Variants in MYT1 observed in about 807,000 individuals in gnomAD.
The protein encoded by MYT1 is myelin transcription factor I.
In MYT1, 23 loss-of-function variants were observed where a neutral mutation model predicts 123.0. That is an observed-to-expected ratio of 0.19 (90% confidence interval 0.13 to 0.26). The LOEUF (loss-of-function observed/expected upper bound fraction) is 0.26. Among genes scored for constraint, MYT1 ranks in the 10% least tolerant of loss-of-function variants. The pLI is 1.00. For synonymous variants in MYT1, 518 were observed against 575.3 expected (o/e 0.90, Z 1.43); for missense variants, 1,125 against 1,472.5 (o/e 0.76, Z 3.86).
chr20:64,172,414 C>G (rs1320786896), intron 1 of MYT1, among the ~76,000 whole-genome samples: 2 of 152,224 alleles, frequency 1.3e-5, no homozygotes, highest in South Asian at 2.1e-4. Context: ...CGAGCTCTCT[C>G]CCTTCTGAAC....
At chr20:64,228,571 G>A (rs1238562999) in intron 18 of MYT1, among the ~76,000 whole-genome samples, 4 of 152,208 alleles carry the variant, frequency 2.6e-5, no homozygotes, top group Non-Finnish European at 4.4e-5. Context: ...ACTGGGGCAG[G>A]GTGGGGGCTC....
rs1346806748 is a variant in MYT1, at chr20:64,190,950, C to G, written c.-1+790C>G. 6.6e-6 allele frequency among the ~76,000 whole-genome samples: 1 copy of G among 152,212 alleles called. No individual in the cohort carries two copies. The highest frequency in any genetic ancestry group is 1.9e-4 in the East Asian group (1 of 5,204). On this transcript the variant is annotated intron_variant, in intron 2 of 22. Transcript: ENST00000328439. The surrounding 1 kb of genome is among the most constrained non-coding windows in gnomAD (Gnocchi z 4.1). ...TGCCACTGCACTCCAGCCTGGGTGA[C>G]AGAGCAAGACTCCATCTCAGAAAAC...
rs558455292 is a variant in MYT1, at chr20:64,195,597, T to C, written c.1-3265T>C. ...TTTCAGTAGAGATGGGGTTTCACCCTGTTGGCCAGGCTTGTCATGAACTCC... is the reference window on the plus strand; with the variant it reads ...TTTCAGTAGAGATGGGGTTTCACCCCGTTGGCCAGGCTTGTCATGAACTCC... On this transcript the variant is annotated intron_variant, in intron 2 of 22. Coordinates refer to ENST00000328439, the MANE Select transcript of MYT1 (RefSeq NM_004535.3). 4.6e-3 allele frequency among the ~76,000 whole-genome samples: 697 copies of C among 151,914 alleles called. 7 individuals carry two copies. Among genetic ancestry groups the C allele is most frequent in the African/African-American group, 0.016 (664 of 41,434 alleles).
Position 64,219,763 on chromosome 20 carries a change from C to T in MYT1, c.2022C>T (p.His674=). The T allele has an allele frequency of 6.2e-7, 1 of 1,614,168 alleles. No individual in the cohort carries two copies. The highest frequency in any genetic ancestry group is 1.3e-5 in the African/African-American group (1 of 75,068). Residue 674 remains histidine (H), a synonymous_variant, in exon 13 of 23, where the codon CAC becomes CAT. Transcript: ENST00000328439. ...ATGGAACCCTGGACTTGAGCATGCA[C>T]AAACACCGCAAACGAGAAAATGCTT... The part of the protein sequence containing the change: ...DENGTLDLSM[H]KHRKRENAFP...
intron 7 of MYT1, among the ~76,000 whole-genome samples, chr20:64,209,034 C>A (rs1983584546): frequency 6.6e-6 from 1 of 152,152 alleles, no homozygotes; most frequent in African/African-American, 2.4e-5. Context: ...GGAGCCATCC[C>A]CTGATCGCAC....
In MYT1 at chr20:64,190,563, A is replaced by AT. The variant is rs1232299447; in HGVS notation, c.-1+406dup. 3.4e-5 allele frequency among the ~76,000 whole-genome samples: 5 copies of AT among 146,496 alleles called. No individual in the cohort carries two copies. The highest frequency in any genetic ancestry group is 1.3e-4 in the African/African-American group (5 of 39,042). ...GTGGCATGCGCCTGTAATCCCAGCT[A>AT]TTTGGGGGAGGATCCCAGCTAAGGT... On this transcript the variant is annotated intron_variant, in intron 2 of 22. Coordinates refer to ENST00000328439, the MANE Select transcript of MYT1 (RefSeq NM_004535.3). This position sits in a 1 kb window ranked among gnomAD's most constrained non-coding sequence, Gnocchi z 4.1.
rs564759242 is a variant in MYT1, at chr20:64,196,930, T to C, written c.1-1932T>C. Among the ~76,000 whole-genome samples the C allele has an allele frequency of 1.3e-5, 2 of 152,322 alleles. No homozygotes were observed. The highest frequency in any genetic ancestry group is 4.8e-5 in the African/African-American group (2 of 41,580). On this transcript the variant is annotated intron_variant, in intron 2 of 22. Coordinates refer to ENST00000328439, the MANE Select transcript of MYT1 (RefSeq NM_004535.3). This position sits in a 1 kb window ranked among gnomAD's most constrained non-coding sequence, Gnocchi z 4.3. ...AGCCGTAGATTGCATTTCAGCTGAG[T>C]GCAGGCACCGCACAAGTCCCATTGT...
At chr20:64,239,304 G>A (rs547555878) in intron 21 of MYT1, among the ~76,000 whole-genome samples, 1 of 152,152 alleles carries the variant, frequency 6.6e-6, no homozygotes, top group South Asian at 2.1e-4. Context: ...TCCACGGGGG[G>A]GTGCAGTGAT....
At chr20:64,235,298 C>A (rs1419378712) in intron 19 of MYT1, among the ~76,000 whole-genome samples, 2 of 91,944 alleles carry the variant, frequency 2.2e-5, no homozygotes, top group Non-Finnish European at 4.2e-5. Flanking sequence ...TGGTGGGTGA[C>A]CCCGAGCTGG....
chr20:64,170,643 C>T (rs1427449552), intron 1 of MYT1, among the ~76,000 whole-genome samples: 1 of 151,394 alleles, frequency 6.6e-6, no homozygotes, highest in Non-Finnish European at 1.5e-5. Flanking sequence ...TAAAGAGGTA[C>T]CTCTTACAGT....
chr20:64,210,768 A>G (rs1182269410), intron 7 of MYT1, among the ~76,000 whole-genome samples: 1 of 152,242 alleles, frequency 6.6e-6, no homozygotes, highest in Non-Finnish European at 1.5e-5. Context: ...GGCATAGATT[A>G]GTCATGCAGC....
intron 1 of MYT1, among the ~76,000 whole-genome samples, chr20:64,181,818 T>C (rs915491859): frequency 2.6e-5 from 4 of 152,238 alleles, no homozygotes; most frequent in African/African-American, 9.6e-5. Flanking sequence ...AGGCAGATGC[T>C]GGACCTAGTA....
intron 19 of MYT1, among the ~76,000 whole-genome samples, chr20:64,235,873 GGGATGGTCA>G (rs1984517262): frequency 6.9e-6 from 1 of 145,360 alleles, no homozygotes; most frequent in Admixed American, 6.8e-5. Context: ...GGGTGACGCT[GGGATGGTCA>G]TGGTGGGTGA....
intron 1 of MYT1, among the ~76,000 whole-genome samples, chr20:64,171,291 G>A (rs1982271811): frequency 6.6e-6 from 1 of 152,138 alleles, no homozygotes; most frequent in Admixed American, 6.5e-5. Context: ...GGTAAGTCCT[G>A]TAAGGAGTCT....
chr20:64,202,804 A>G lies in MYT1; in HGVS notation c.87-2231A>G, dbSNP rs550499610. Among the ~76,000 whole-genome samples the G allele has an allele frequency of 1.1e-4, 17 of 152,130 alleles. No homozygotes were observed. The highest frequency in any genetic ancestry group is 3.9e-4 in the African/African-American group (16 of 41,496). On this transcript the variant is annotated intron_variant, in intron 4 of 22. Transcript: ENST00000328439. This position sits in a 1 kb window ranked among gnomAD's most constrained non-coding sequence, Gnocchi z 5.0. ...AGCCTCACGTGCATCCTTTCCTCACATCTCTGACACCAGCCCTAGTCAGAG... is the reference window on the plus strand; with the variant it reads ...AGCCTCACGTGCATCCTTTCCTCACGTCTCTGACACCAGCCCTAGTCAGAG...
At chr20:64,205,246 G>T (rs1022480935) in intron 5 of MYT1, 149 bp downstream of exon 5, 3 of 1,006,934 alleles carry the variant, frequency 3.0e-6, no homozygotes, top group Non-Finnish European at 2.9e-6. Context: ...TCCCACTCTA[G>T]CGTGGAGATC....
At chr20:64,222,070 C>T (rs1984022935) in intron 14 of MYT1, 23 bp downstream of exon 14, 1 of 1,611,670 alleles carries the variant, frequency 6.2e-7, no homozygotes, top group Admixed American at 1.7e-5. Context: ...TTGGCTGGCA[C>T]AGCTCCTAGG....
intron 5 of MYT1, 141 bp downstream of exon 5, chr20:64,205,238 C>T: frequency 1.9e-6 from 2 of 1,043,014 alleles, no homozygotes; most frequent in Non-Finnish European, 1.4e-6. Flanking sequence ...CAGCGACCTC[C>T]CACTCTAGCG....
At position 64,192,186 on chromosome 20, in the gene MYT1, A is replaced by G. The variant is rs1318985825; in HGVS notation, c.-1+2026A>G. ...GGACCCGTGCCCAGGTTCTCGTGGC[A>G]TCACCAGCTCTTTCATCACTGCTCT... On this transcript the variant is annotated intron_variant, in intron 2 of 22. Coordinates refer to ENST00000328439, the MANE Select transcript of MYT1 (RefSeq NM_004535.3). This position sits in a 1 kb window ranked among gnomAD's most constrained non-coding sequence, Gnocchi z 5.3. Among the ~76,000 whole-genome samples, 1 of 152,202 alleles carries G rather than the reference A, an allele frequency of 6.6e-6. No individual in the cohort carries two copies. Among genetic ancestry groups the G allele is most frequent in the African/African-American group, 2.4e-5 (1 of 41,446 alleles).
Sources: allele counts gnomAD v4.1 joint callset (sites outside exome capture counted in the v4.1 genomes callset), GRCh38; gene constraint gnomAD v4.1.1; non-coding constraint Gnocchi (gnomAD v3.1); transcripts MANE v1.5; gene names NCBI Gene and HGNC (gene_info 2026-07-23, HGNC 2026-07-21).